Variants in HSD17B10 observed in about 807,000 individuals in gnomAD.
The protein encoded by HSD17B10 is 3-hydroxyacyl-CoA dehydrogenase type-2.
For missense variants in HSD17B10, 87 were observed against 219.4 expected, an observed-to-expected ratio of 0.40 and a Z score of 3.81; for synonymous variants, 90 against 85.9, an observed-to-expected ratio of 1.05 and a Z score of -0.26.
Position 53,434,300 on chromosome X carries a change from G to A in HSD17B10, c.27+19C>T, listed in dbSNP as rs372768875. 270 of 1,165,532 alleles carry A rather than the reference G, an allele frequency of 2.3e-4. No individual in the cohort carries two copies. The highest frequency in any genetic ancestry group is 1.6e-4 in the Non-Finnish European group (136 of 871,611). ...GGCCCGTAAAGGAAGGCAAGCAACA[G>A]AGGCAAAGAACCTTCTACCTTCACG... is the stretch of plus-strand genomic sequence containing the variant. On this transcript the variant is annotated intron_variant, in intron 1 of 5. Transcript: ENST00000168216.
rs1189053870 is a variant in HSD17B10 at position 53,431,509 on chromosome X, C to T, written c.681G>A (p.Leu227=). ...LASQVPFPSR[L]GDPAEYAHLV... ...GGTGAGCATACTCAGCAGGGTCACC[C>T]AGTCGGCTAGGGAAGGGCACTTGGC... is the stretch of plus-strand genomic sequence containing the variant. Residue 227 remains leucine, a synonymous_variant, in exon 6 of 6, where the codon CTG becomes CTA. Transcript: ENST00000168216. 8.3e-7 allele frequency: 1 copy of T among 1,210,600 alleles called. No individual in the cohort carries two copies. Among genetic ancestry groups the T allele is most frequent in the Non-Finnish European group, 1.1e-6 (1 of 894,439 alleles).
intron 1 of HSD17B10, chrX:53,434,114 TGATA>T (rs781798782): frequency 1.0e-3 from 565 of 560,177 alleles, no homozygotes; most frequent in African/African-American, 1.7e-3. Context: ...GATAGATGAT[TGATA>T]GATAGATAGA....
At chrX:53,433,980 G>T (rs782493132) in intron 1 of HSD17B10, 94 bp from the exon 2 acceptor site, 5 of 1,003,810 alleles carry the variant, frequency 5.0e-6, no homozygotes, top group Admixed American at 2.5e-5. Context: ...TGAGGAGAAG[G>T]GGGGAGGGGA....
chrX:53,433,220 A>G (rs868957377), intron 2 of HSD17B10, among the ~76,000 whole-genome samples: 10 of 111,310 alleles, frequency 9.0e-5, no homozygotes, highest in African/African-American at 2.6e-4. Flanking sequence ...GCTTGAACCC[A>G]GAAGATGGAG....
In HSD17B10 at chrX:53,431,518, A is replaced by C; in HGVS notation, c.672T>G (p.Pro224=). ...CNFLASQVPF[P]SRLGDPAEYA... is the part of the protein sequence containing the mutation. ...ACTCAGCAGGGTCACCCAGTCGGCT[A>C]GGGAAGGGCACTTGGCTGGCCAAGA... is the stretch of plus-strand genomic sequence containing the variant. Residue 224 remains proline, a synonymous_variant, in exon 6 of 6, where the codon CCT becomes CCG. Coordinates refer to ENST00000168216, the MANE Select transcript of HSD17B10 (RefSeq NM_004493.3). The C allele has an allele frequency of 8.3e-7, 1 of 1,210,709 alleles. No homozygotes were observed. Among genetic ancestry groups the C allele is most frequent in the Non-Finnish European group, 1.1e-6 (1 of 894,599 alleles).
chrX:53,434,019 T>A, intron 1 of HSD17B10, 133 bp from the exon 2 acceptor site: 1 of 731,315 alleles, frequency 1.4e-6, no homozygotes, highest in Admixed American at 2.7e-5. Flanking sequence ...GCGGGTAAAC[T>A]AGGTGTGCTG....
chrX:53,432,383 G>A lies in HSD17B10; in HGVS notation c.221C>T (p.Ala74Val). Residue 74 changes from alanine to valine, a missense_variant, in exon 3 of 6, where the codon GCT becomes GTT. Ala to Val is a moderately conservative substitution (Grantham distance 64, BLOSUM62 0). Transcript: ENST00000168216. ...DVTSEKDVQT[A>V]LALAKGKFGR... is the part of the protein sequence containing the mutation. ...AAACTTTCCTTTTGCTAGAGCCAGAGCTGTTTGCACATCCTTCTCAGAGGT... is the reference window on the plus strand; with the variant it reads ...AAACTTTCCTTTTGCTAGAGCCAGAACTGTTTGCACATCCTTCTCAGAGGT... 1 of 1,209,626 alleles carries A rather than the reference G, an allele frequency of 8.3e-7. No individual in the cohort carries two copies. The highest frequency in any genetic ancestry group is 1.1e-6 in the Non-Finnish European group (1 of 894,485).
At chrX:53,432,503 C>G in intron 2 of HSD17B10, 92 bp from the exon 3 acceptor site, 5 of 760,591 alleles carry the variant, frequency 6.6e-6, no homozygotes, top group Non-Finnish European at 1.0e-5. Context: ...ATGCCCAGTC[C>G]TTGGGTGAGA....
intron 1 of HSD17B10, 26 bp from the exon 2 acceptor site, chrX:53,433,912 C>A (rs1556894958): frequency 3.3e-6 from 4 of 1,199,548 alleles, no homozygotes; most frequent in Non-Finnish European, 4.5e-6. Flanking sequence ...TGGTCAGGGT[C>A]AGCTGTTACA....
Position 53,432,536 on chromosome X carries a change from G to A in HSD17B10, c.193-125C>T, listed in dbSNP as rs782801679. 9 of 603,005 alleles carry A rather than the reference G, an allele frequency of 1.5e-5. No individual in the cohort carries two copies. In the Admixed American group the frequency reaches 2.3e-4, roughly 15 times the overall value. 49.7% of individuals were successfully genotyped at this position (603,005 alleles called of 1,213,427 possible). On this transcript the variant is annotated intron_variant, in intron 2 of 5. Transcript: ENST00000168216. ...AGAAGAGATTTGTGAGAAGGGAGAG[G>A]CCAAGAGAAAGGTTGTAAAACTTGA...
chrX:53,432,541 G>A (rs1427870754), intron 2 of HSD17B10, 130 bp from the exon 3 acceptor site: 1 of 587,716 alleles, frequency 1.7e-6, no homozygotes, highest in Non-Finnish European at 2.9e-6. Flanking sequence ...GAGAGGCCAA[G>A]AGAAAGGTTG....
chrX:53,432,685 A>G (rs1556894729), intron 2 of HSD17B10: 3 of 339,294 alleles, frequency 8.8e-6, no homozygotes. Context: ...ACCCGTCTCT[A>G]CTAAAAATAC....
intron 2 of HSD17B10, chrX:53,432,790 G>A: frequency 3.9e-6 from 1 of 257,144 alleles, no homozygotes; most frequent in Non-Finnish European, 7.3e-6. Context: ...AGAGGTTGCA[G>A]TGAGCTGAGA....
intron 1 of HSD17B10, 98 bp from the exon 2 acceptor site, chrX:53,433,984 G>T (rs898891397): frequency 2.1e-6 from 2 of 971,153 alleles, no homozygotes; most frequent in African/African-American, 3.8e-5. Flanking sequence ...GAGAAGGGGG[G>T]AGGGGAGAGG....
At chrX:53,434,126 A>T in intron 1 of HSD17B10, 193 bp downstream of exon 1, 1 of 567,496 alleles carries the variant, frequency 1.8e-6, no homozygotes, top group Non-Finnish European at 3.0e-6. Flanking sequence ...ATAGATAGAT[A>T]GATAGACAGA....
Sources: allele counts gnomAD v4.1 joint callset (sites outside exome capture counted in the v4.1 genomes callset), GRCh38; gene constraint gnomAD v4.1.1; transcripts MANE v1.5; gene names NCBI Gene and HGNC (gene_info 2026-07-23, HGNC 2026-07-21).